BLTP1: variants seen among roughly 807,000 people sequenced by gnomAD.
BLTP1 encodes the protein bridge-like lipid transfer protein family member 1.
the BLTP1 span, chr4:122,355,714 A>G: frequency 7.1e-7 from 1 of 1,406,800 alleles, no homozygotes; most frequent in South Asian, 1.6e-5. Flanking sequence ...AGTTCTGTAT[A>G]TTATAGTTGT....
At chr4:122,213,551 T>G in the BLTP1 span, among the ~76,000 whole-genome samples, 1 of 152,098 alleles carries the variant, frequency 6.6e-6, no homozygotes, top group Non-Finnish European at 1.5e-5. Context: ...GATTGTCTTT[T>G]TTTAGTTATC....
the BLTP1 span, among the ~76,000 whole-genome samples, chr4:122,337,683 C>A: frequency 9.9e-5 from 15 of 151,810 alleles, no homozygotes; most frequent in African/African-American, 3.4e-4. Context: ...CATTATAGTT[C>A]TTTCTGGGCA....
At chr4:122,305,266 T>C in the BLTP1 span, 2 of 975,950 alleles carry the variant, frequency 2.0e-6, no homozygotes, top group Non-Finnish European at 2.4e-6. Flanking sequence ...ACATTTTTTA[T>C]TTCAAAGTCT....
chr4:122,185,450 C>G, the BLTP1 span: 3 of 983,188 alleles, frequency 3.1e-6, no homozygotes, highest in Non-Finnish European at 3.6e-6. Flanking sequence ...TTAGTAGAAA[C>G]AAGTGCCTCA....
At chr4:122,207,675 G>A in the BLTP1 span, 2 of 1,453,446 alleles carry the variant, frequency 1.4e-6, no homozygotes, top group Non-Finnish European at 1.9e-6. Flanking sequence ...TTCCACAGGT[G>A]TATTAGTAAA....
chr4:122,206,149 A>G, the BLTP1 span: 1,584 of 806,116 alleles, frequency 2.0e-3, 7 homozygotes, highest in Middle Eastern at 0.022. Context: ...TATAATTCTA[A>G]GAAAGTCAAG....
the BLTP1 span, chr4:122,201,115 ACTT>A: frequency 6.2e-7 from 1 of 1,608,998 alleles, no homozygotes; most frequent in Non-Finnish European, 8.5e-7. Context: ...GCACAGAAAA[ACTT>A]CTTTACAGGT....
the BLTP1 span, chr4:122,209,619 TG>T: frequency 2.6e-6 from 1 of 381,022 alleles, no homozygotes; most frequent in South Asian, 1.1e-4. Context: ...CACTCCAGCT[TG>T]GGCAACAGAG....
the BLTP1 span, among the ~76,000 whole-genome samples, chr4:122,293,929 C>T: frequency 6.6e-6 from 1 of 152,158 alleles, no homozygotes; most frequent in South Asian, 2.1e-4. Context: ...CCCTACAAGA[C>T]AGCACAGCTG....
At chr4:122,187,592 T>A in the BLTP1 span, 1 of 1,386,314 alleles carries the variant, frequency 7.2e-7, no homozygotes, top group Non-Finnish European at 9.8e-7. Context: ...GATTTTAATG[T>A]AAGAAAATTA....
chr4:122,287,184 G>A, the BLTP1 span, among the ~76,000 whole-genome samples: 1 of 152,154 alleles, frequency 6.6e-6, no homozygotes, highest in Non-Finnish European at 1.5e-5. Context: ...AGCAAACTAA[G>A]CCTTAGCAAG....
At chr4:122,278,529 G>A in the BLTP1 span, among the ~76,000 whole-genome samples, 1 of 152,296 alleles carries the variant, frequency 6.6e-6, no homozygotes, top group African/African-American at 2.4e-5. Flanking sequence ...TAAAGCTAGG[G>A]CTACCTTTCT....
chr4:122,222,933 G>A, the BLTP1 span: 2 of 917,290 alleles, frequency 2.2e-6, no homozygotes, highest in South Asian at 1.0e-4. Flanking sequence ...GTATCATGTA[G>A]GCTATACCTT....
chr4:122,361,381 T>C, the BLTP1 span, among the ~76,000 whole-genome samples: 1 of 152,094 alleles, frequency 6.6e-6, no homozygotes, highest in Non-Finnish European at 1.5e-5. Flanking sequence ...TCTATGTATG[T>C]ACTCAGCCAC....
the BLTP1 span, chr4:122,334,652 A>G: frequency 8.8e-7 from 1 of 1,130,678 alleles, no homozygotes; most frequent in Non-Finnish European, 1.2e-6. Flanking sequence ...AAAAAAGGAC[A>G]TACATTTGTC....
At chr4:122,266,751 G>T in the BLTP1 span, 2 of 1,519,744 alleles carry the variant, frequency 1.3e-6, no homozygotes, top group Non-Finnish European at 1.8e-6. Context: ...TAAGCTGTAA[G>T]TTGAGCTAAT....
chr4:122,276,203 T>A, the BLTP1 span: 2 of 509,298 alleles, frequency 3.9e-6, no homozygotes, highest in Non-Finnish European at 5.9e-6. Context: ...AGGTAAGGGC[T>A]GCTTTTTTGG....
chr4:122,161,092 G>A, the BLTP1 span: 1 of 967,528 alleles, frequency 1.0e-6, no homozygotes, highest in Non-Finnish European at 1.2e-6. Context: ...TGAAGAGAGT[G>A]TATGTTGGTG....
the BLTP1 span, chr4:122,200,254 T>A: frequency 2.0e-6 from 2 of 985,226 alleles, no homozygotes; most frequent in Non-Finnish European, 2.4e-6. Context: ...ACAATGCTCT[T>A]CCTAGGTAGG....
Sources: allele counts gnomAD v4.1 joint callset (sites outside exome capture counted in the v4.1 genomes callset), GRCh38; gene constraint gnomAD v4.1.1; transcripts MANE v1.5; gene names NCBI Gene and HGNC (gene_info 2026-07-23, HGNC 2026-07-21).